Variants in ATP5F1D observed in about 807,000 individuals in gnomAD.
ATP5F1D encodes ATP synthase F1 subunit delta.
Under a neutral mutation model 13.0 loss-of-function variants are expected in ATP5F1D, and 16 were observed. The observed-to-expected ratio is 1.23, with a 90% CI of 0.83 to 1.87. ATP5F1D has a LOEUF of 1.87. Ranked by LOEUF, ATP5F1D falls within the 40% of genes most tolerant of loss-of-function variation. The pLI, the probability that ATP5F1D is intolerant of heterozygous loss-of-function variation, is 0.00. For synonymous variants in ATP5F1D, 129 were observed against 116.2 expected, an observed-to-expected ratio of 1.11 and a Z score of -0.71; for missense variants, 294 against 246.2, an observed-to-expected ratio of 1.19 and a Z score of -1.30.
intron 1 of ATP5F1D, 196 bp from the exon 2 acceptor site, chr19:1,242,260 A>G: frequency 1.3e-6 from 1 of 779,272 alleles, no homozygotes; most frequent in Admixed American, 4.2e-5. Context: ...TTGCATTCCC[A>G]TTTCGCGGAT....
rs992727911 is a variant in ATP5F1D at position 1,241,816 on chromosome 19, C to T, written c.-35C>T. On this transcript the variant is annotated 5_prime_UTR_variant, in exon 1 of 4. Coordinates refer to ENST00000215375, the MANE Select transcript of ATP5F1D (RefSeq NM_001687.5). ...CCGCGCCGCGCCGGAGTCCGCTGTC[C>T]GCCAGCTACCCGCTTCCTGCCGCCC... 67 of 1,306,272 alleles carry T rather than the reference C, an allele frequency of 5.1e-5. No individual in the cohort carries two copies. The highest frequency in any genetic ancestry group is 6.4e-5 in the Non-Finnish European group (66 of 1,032,470). The allele number at this position is 1,306,272 out of a possible 1,614,324, so 80.9% of individuals were successfully genotyped here.
Position 1,242,548 on chromosome 19 carries a change from G to T in ATP5F1D, c.234G>T (p.Gln78His). The change falls in exon 2 of 4, where the codon CAG (glutamine) becomes CAT (histidine). Residue 78 changes from glutamine (Q) to histidine (H), a missense_variant. Physicochemically the swap from Gln to His is conservative, Grantham distance 24 (BLOSUM62 0). Coordinates refer to ENST00000215375, the MANE Select transcript of ATP5F1D (RefSeq NM_001687.5). Reference protein sequence around the residue: ...GILAAHVPTLQVLRPGLVVVH... With the variant: ...GILAAHVPTLHVLRPGLVVVH... ...TGGCGGCCCACGTGCCCACGCTGCAGGTCCTGCGGCCGGGGCTGGTCGTGG... is the reference window on the plus strand; with the variant it reads ...TGGCGGCCCACGTGCCCACGCTGCATGTCCTGCGGCCGGGGCTGGTCGTGG... 3.2e-6 allele frequency: 5 copies of T among 1,547,220 alleles called. No homozygotes were observed. Among genetic ancestry groups the T allele is most frequent in the African/African-American group, 1.4e-5 (1 of 73,094 alleles).
chr19:1,244,277 T>C, intron 3 of ATP5F1D, 38 bp from the exon 4 acceptor site: 1 of 1,580,528 alleles, frequency 6.3e-7, no homozygotes, highest in Non-Finnish European at 8.6e-7. Flanking sequence ...CGGGCTGGGG[T>C]CGCTGCTGGC....
At chr19:1,243,927 C>T in intron 2 of ATP5F1D, 170 bp from the exon 3 acceptor site, 1 of 660,350 alleles carries the variant, frequency 1.5e-6, no homozygotes. Flanking sequence ...CAGTTGCCCG[C>T]CATGTTGGGC....
rs1465287712 is a variant in ATP5F1D at position 1,244,182 on chromosome 19, G to A, written c.381G>A (p.Leu127=). ...EEAVTLDMLD[L]GAAKANLEKA... ...CCGTGACGCTGGACATGTTGGACCT[G>A]GGGGTGAGTGTCAGAGGGGACCTGA... Residue 127 remains leucine, a synonymous_variant, in exon 3 of 4, where the codon CTG becomes CTA. Coordinates refer to ENST00000215375, the MANE Select transcript of ATP5F1D (RefSeq NM_001687.5). The A allele has an allele frequency of 6.2e-7, 1 of 1,610,846 alleles. No individual in the cohort carries two copies. Among genetic ancestry groups the A allele is most frequent in the Non-Finnish European group, 8.5e-7 (1 of 1,178,660 alleles).
intron 1 of ATP5F1D, 40 bp from the exon 2 acceptor site, chr19:1,242,416 C>A (rs1310357046): frequency 6.8e-7 from 1 of 1,465,760 alleles, no homozygotes. Context: ...GGCGCGGGGC[C>A]GGCCTGCCCC....
rs1409463268 is a variant in ATP5F1D, at chr19:1,241,820, A to C, written c.-31A>C. ...GCCGCGCCGGAGTCCGCTGTCCGCC[A>C]GCTACCCGCTTCCTGCCGCCCGCCG... On this transcript the variant is annotated 5_prime_UTR_variant, in exon 1 of 4. Coordinates refer to ENST00000215375, the MANE Select transcript of ATP5F1D (RefSeq NM_001687.5). 1 of 1,311,986 alleles carries C rather than the reference A, an allele frequency of 7.6e-7. No homozygotes were observed. The highest frequency in any genetic ancestry group is 1.6e-5 in the African/African-American group (1 of 64,246). The allele number at this position is 1,311,986 out of a possible 1,614,324, so 81.3% of individuals were successfully genotyped here.
Position 1,241,999 on chromosome 19 carries a change from C to A in ATP5F1D, c.141+8C>A, listed in dbSNP as rs1325609150. 7.0e-7 allele frequency: 1 copy of A among 1,430,568 alleles called. No homozygotes were observed. The highest frequency in any genetic ancestry group is 2.5e-5 in the Admixed American group (1 of 39,332). The allele number at this position is 1,430,568 out of a possible 1,614,324, so 88.6% of individuals were successfully genotyped here. On this transcript the variant is annotated splice_region_variant and intron_variant, in intron 1 of 3. Coordinates refer to ENST00000215375, the MANE Select transcript of ATP5F1D (RefSeq NM_001687.5). ...TTCGCCTCTCCCACGCAGGTTCGGGCGCTGCGGGTCGGGACCCTCCGTGGC... is the reference window on the plus strand; with the variant it reads ...TTCGCCTCTCCCACGCAGGTTCGGGAGCTGCGGGTCGGGACCCTCCGTGGC...
chr19:1,242,259 C>T, intron 1 of ATP5F1D, 197 bp from the exon 2 acceptor site: 3 of 781,688 alleles, frequency 3.8e-6, no homozygotes, highest in Admixed American at 4.2e-5. Flanking sequence ...GTTGCATTCC[C>T]ATTTCGCGGA....
rs748451782 is a variant in ATP5F1D, at chr19:1,244,179, C to T, written c.378C>T (p.Asp126=). ...AGGCCGTGACGCTGGACATGTTGGA[C>T]CTGGGGGTGAGTGTCAGAGGGGACC... ...AEEAVTLDML[D]LGAAKANLEK... is the part of the protein sequence containing the mutation. Residue 126 remains aspartate, a synonymous_variant, in exon 3 of 4, where the codon GAC becomes GAT. Coordinates refer to ENST00000215375, the MANE Select transcript of ATP5F1D (RefSeq NM_001687.5). 1.2e-5 allele frequency: 19 copies of T among 1,611,180 alleles called. No homozygotes were observed. The highest frequency in any genetic ancestry group is 1.1e-5 in the Non-Finnish European group (13 of 1,178,898).
chr19:1,242,029 G>A, intron 1 of ATP5F1D, 38 bp downstream of exon 1: 2 of 1,361,786 alleles, frequency 1.5e-6, no homozygotes, highest in Non-Finnish European at 1.9e-6. Context: ...CGTGGCCGCC[G>A]CCCCCGGAGT....
Position 1,241,882 on chromosome 19 carries a change from G to T in ATP5F1D, c.32G>T (p.Gly11Val). The T allele has an allele frequency of 7.0e-7, 1 of 1,430,254 alleles. No individual in the cohort carries two copies. The highest frequency in any genetic ancestry group is 9.1e-7 in the Non-Finnish European group (1 of 1,093,564). The allele number at this position is 1,430,254 out of a possible 1,614,324, so 88.6% of individuals were successfully genotyped here. Residue 11 changes from glycine to valine, a missense_variant, in exon 1 of 4, where the codon GGA (glycine) becomes GTA (valine). Coordinates refer to ENST00000215375, the MANE Select transcript of ATP5F1D (RefSeq NM_001687.5). MLPAALLRRPGLGRLVRHARA... is the reference protein window; with the variant it reads MLPAALLRRPVLGRLVRHARA... ...CCCGCCGCGCTGCTCCGCCGCCCGG[G>T]ACTTGGCCGCCTCGTCCGCCACGCC...
intron 1 of ATP5F1D, 105 bp from the exon 2 acceptor site, chr19:1,242,351 A>G (rs2081041631): frequency 7.6e-6 from 10 of 1,307,612 alleles, no homozygotes; most frequent in South Asian, 1.9e-5. Context: ...GCCTCACATC[A>G]GCGCCAGGTC....
chr19:1,242,248 C>T, intron 1 of ATP5F1D: 1 of 757,586 alleles, frequency 1.3e-6, no homozygotes, highest in South Asian at 3.5e-5. Context: ...GTCGCCGGAT[C>T]GTTGCATTCC....
rs767117506 is a variant in ATP5F1D at position 1,244,097 on chromosome 19, T to A, written c.296T>A (p.Val99Glu). Residue 99 changes from valine (V) to glutamate (E), a missense_variant and splice_region_variant, in exon 3 of 4, where the codon GTG becomes GAG. Transcript: ENST00000215375. ...CCTTCCCCCCGCCCCATTCCCCCAGTGAGCAGCGGTTCCATCGCAGTGAAC... is the reference window on the plus strand; with the variant it reads ...CCTTCCCCCCGCCCCATTCCCCCAGAGAGCAGCGGTTCCATCGCAGTGAAC... ...AEDGTTSKYF[V>E]SSGSIAVNAD... The A allele has an allele frequency of 6.2e-7, 1 of 1,608,744 alleles. No individual in the cohort carries two copies. The highest frequency in any genetic ancestry group is 8.5e-7 in the Non-Finnish European group (1 of 1,177,484).
In ATP5F1D at chr19:1,241,789, G is replaced by C; in HGVS notation, c.-62G>C. 1.6e-6 allele frequency: 2 copies of C among 1,276,778 alleles called. No individual in the cohort carries two copies. Among genetic ancestry groups the C allele is most frequent in the South Asian group, 2.4e-5 (1 of 41,584 alleles). The allele number at this position is 1,276,778 out of a possible 1,614,324, so 79.1% of individuals were successfully genotyped here. On this transcript the variant is annotated 5_prime_UTR_variant, in exon 1 of 4. Coordinates refer to ENST00000215375, the MANE Select transcript of ATP5F1D (RefSeq NM_001687.5). ...CGTCGTCCTCCTCGCCCTCCAGGCC[G>C]CCCGCGCCGCGCCGGAGTCCGCTGT...
chr19:1,244,394 T>G lies in ATP5F1D; in HGVS notation c.464T>G (p.Ile155Ser), dbSNP rs2081052851. 3 of 1,570,350 alleles carry G rather than the reference T, an allele frequency of 1.9e-6. No homozygotes were observed. The highest frequency in any genetic ancestry group is 2.6e-6 in the Non-Finnish European group (3 of 1,157,690). Residue 155 changes from isoleucine (I) to serine (S), a missense_variant, in exon 4 of 4, where the codon ATC (isoleucine) becomes AGC (serine). Physicochemically the swap from Ile to Ser is moderately radical, Grantham distance 142. Transcript: ENST00000215375. ...GAGGCCACGCGGGCAGAGATCCAGATCCGAATCGAGGCCAACGAGGCCCTG... is the reference window on the plus strand; with the variant it reads ...GAGGCCACGCGGGCAGAGATCCAGAGCCGAATCGAGGCCAACGAGGCCCTG... Reference protein sequence around the residue: ...ADEATRAEIQIRIEANEALVK... With the variant: ...ADEATRAEIQSRIEANEALVK...
chr19:1,244,584 C>G lies in ATP5F1D; in HGVS notation c.*147C>G. On this transcript the variant is annotated 3_prime_UTR_variant, in exon 4 of 4. Transcript: ENST00000215375. ...AGGGCAGTGCAGGCTTCTGCCTGGG[C>G]CCCAGGCCCTGCCTGTGTTGAAAGC... 2.4e-6 allele frequency: 3 copies of G among 1,264,430 alleles called. No individual in the cohort carries two copies. Among genetic ancestry groups the G allele is most frequent in the South Asian group, 3.1e-5 (2 of 63,948 alleles). 78.3% of individuals were successfully genotyped at this position (1,264,430 alleles called of 1,614,324 possible).
intron 2 of ATP5F1D, 37 bp downstream of exon 2, chr19:1,242,646 TG>T: frequency 6.9e-7 from 1 of 1,457,848 alleles, no homozygotes; most frequent in Non-Finnish European, 9.1e-7. Context: ...CAGGCCAGGC[TG>T]GGGCTCCACA....
Sources: gnomAD v4.1 joint callset for allele counts on GRCh38, gnomAD v4.1.1 for gene constraint, MANE v1.5 for transcripts, NCBI Gene and HGNC (gene_info 2026-07-23, HGNC 2026-07-21) for gene names.